The following MTMR7 variants were observed in gnomAD, a reference collection of about 807,000 sequenced individuals.
The protein encoded by MTMR7 is phosphatidylinositol-3-phosphate phosphatase MTMR7.
A neutral mutation model predicts 81.2 loss-of-function variants in MTMR7; 76 were observed. The ratio of observed to expected loss-of-function variants is 0.94; its 90% CI spans 0.78 to 1.13. The LOEUF is 1.13. MTMR7 is among the 50% of genes most tolerant of loss of function. The probability of loss-of-function intolerance (pLI) is 0.00; values close to 1 mark genes in which losing one functional copy is unlikely to be tolerated. For missense variants in MTMR7, 1,044 were observed against 820.0 expected (o/e 1.27, Z -3.34); for synonymous variants, 372 against 289.8 (o/e 1.28, Z -2.88).
At chr8:17,399,203 G>C (rs779041111) in intron 1 of MTMR7, among the ~76,000 whole-genome samples, 11 of 152,098 alleles carry the variant, frequency 7.2e-5, no homozygotes, top group Non-Finnish European at 1.2e-4. Context: ...ATCCTTGTTT[G>C]CAGATGATAT....
intron 1 of MTMR7, among the ~76,000 whole-genome samples, chr8:17,403,360 C>G (rs1391147526): frequency 6.6e-6 from 1 of 152,144 alleles, no homozygotes; most frequent in Non-Finnish European, 1.5e-5. Context: ...ATGTCATTGG[C>G]ACTATTTTCG....
chr8:17,307,104 C>A (rs1218603215), intron 10 of MTMR7, among the ~76,000 whole-genome samples: 1 of 152,030 alleles, frequency 6.6e-6, no homozygotes, highest in South Asian at 2.1e-4. Flanking sequence ...GAACAGGCAA[C>A]CTACAAAATG....
At chr8:17,377,230 T>C (rs1820617446) in intron 1 of MTMR7, among the ~76,000 whole-genome samples, 3 of 152,158 alleles carry the variant, frequency 2.0e-5, no homozygotes, top group Non-Finnish European at 4.4e-5. Flanking sequence ...CAGAAATCTT[T>C]AGTAATGGTT....
chr8:17,329,404 T>C (rs951317788), intron 7 of MTMR7, among the ~76,000 whole-genome samples: 5 of 152,228 alleles, frequency 3.3e-5, no homozygotes, highest in Admixed American at 2.6e-4. Context: ...AAGCACCATG[T>C]TCCCTTATGA....
chr8:17,318,691 G>GTC (rs1818227147), intron 7 of MTMR7, among the ~76,000 whole-genome samples: 1 of 152,184 alleles, frequency 6.6e-6, no homozygotes, highest in Non-Finnish European at 1.5e-5. Flanking sequence ...TACAGGTATT[G>GTC]TGCATGTTTG....
At chr8:17,309,459 C>A in intron 9 of MTMR7, 133 bp from the exon 10 acceptor site, 1 of 682,974 alleles carries the variant, frequency 1.5e-6, no homozygotes, top group Admixed American at 2.7e-5. Flanking sequence ...AATGCATGAA[C>A]AGGCATTATC....
intron 6 of MTMR7, among the ~76,000 whole-genome samples, chr8:17,335,129 C>T (rs1425476412): frequency 1.3e-5 from 2 of 152,128 alleles, no homozygotes; most frequent in Non-Finnish European, 2.9e-5. Flanking sequence ...GTGTCCACAA[C>T]AGAGAAGATG....
chr8:17,349,048 G>A lies in MTMR7; in HGVS notation c.502C>T (p.Pro168Ser), dbSNP rs1352570551. ...ATGATGTGTGCCGTGGCCGATTTGG[G>A]AACGTACAGTTCAGTAGGATAAGAG... is the stretch of plus-strand genomic sequence containing the variant. ...CDSYPTELYV[P>S]KSATAHIIVG... Residue 168 changes from proline (P) to serine (S), a missense_variant, in exon 5 of 14, where the codon CCC becomes TCC. Pro to Ser is a moderately conservative substitution (Grantham distance 74). Coordinates refer to ENST00000180173, the MANE Select transcript of MTMR7 (RefSeq NM_004686.5). 1 of 1,612,490 alleles carries A rather than the reference G, an allele frequency of 6.2e-7. No homozygotes were observed. Among genetic ancestry groups the A allele is most frequent in the South Asian group, 1.1e-5 (1 of 90,908 alleles).
At chr8:17,378,497 C>T (rs1366102627) in intron 1 of MTMR7, among the ~76,000 whole-genome samples, 1 of 152,150 alleles carries the variant, frequency 6.6e-6, no homozygotes, top group Non-Finnish European at 1.5e-5. Context: ...CTCATCTATA[C>T]ATATATGCTG....
In MTMR7 at chr8:17,353,051, A is replaced by T. The variant is rs1021435055; in HGVS notation, c.469-3970T>A. ...AGAGGTGGAAGCAACCCAGATGTCC[A>T]TCAAGTGATGAATGGATAAGCAAAA... On this transcript the variant is annotated intron_variant, in intron 4 of 13. Coordinates refer to ENST00000180173, the MANE Select transcript of MTMR7 (RefSeq NM_004686.5). 3.3e-5 allele frequency among the ~76,000 whole-genome samples: 5 copies of T among 152,344 alleles called. No homozygotes were observed. The East Asian group carries it at 9.6e-4, about 29-fold the overall frequency.
Position 17,341,451 on chromosome 8 carries a change from C to T in MTMR7, c.644G>A (p.Arg215Gln), listed in dbSNP as rs1325657111. The change falls in exon 6 of 14, where the codon CGG becomes CAG. Residue 215 changes from arginine to glutamine, a missense_variant. Coordinates refer to ENST00000180173, the MANE Select transcript of MTMR7 (RefSeq NM_004686.5). ...GAGCATCTGCTCGTCCTCTAGGCAC[C>T]GGGCACTGAAGCCGGACAGGGGCTG... The part of the protein sequence containing the change: ...SSQPLSGFSA[R>Q]CLEDEQMLQA... The T allele has an allele frequency of 1.9e-6, 3 of 1,614,050 alleles. No individual in the cohort carries two copies. Among genetic ancestry groups the T allele is most frequent in the South Asian group, 2.2e-5 (2 of 91,076 alleles).
At chr8:17,317,799 CT>C (rs556175005) in intron 7 of MTMR7, among the ~76,000 whole-genome samples, 3 of 152,156 alleles carry the variant, frequency 2.0e-5, no homozygotes, top group African/African-American at 2.4e-5. Context: ...TAAATTGCAG[CT>C]TTTTTTTCTA....
At chr8:17,311,921 C>A in intron 8 of MTMR7, 1 of 296,710 alleles carries the variant, frequency 3.4e-6, no homozygotes, top group South Asian at 6.9e-5. Context: ...TGCAAACGGA[C>A]CTTCAACCCT....
intron 3 of MTMR7, among the ~76,000 whole-genome samples, chr8:17,370,382 G>A (rs1192520249): frequency 1.3e-5 from 2 of 151,556 alleles, no homozygotes; most frequent in Non-Finnish European, 2.9e-5. Context: ...TTAGCAGGGT[G>A]TGGTGGTGGG....
At chr8:17,303,992 A>T (rs7837869) in intron 12 of MTMR7, among the ~76,000 whole-genome samples, 62,418 of 152,076 alleles carry the variant, frequency 0.41, 15,054 homozygotes, top group African/African-American at 0.66. Flanking sequence ...TTTTTGTTGT[A>T]TAACGGCAAA....
At chr8:17,373,303 T>A in intron 1 of MTMR7, 63 bp from the exon 2 acceptor site, 1 of 1,550,238 alleles carries the variant, frequency 6.5e-7, no homozygotes, top group Non-Finnish European at 8.7e-7. Flanking sequence ...ACGAAATAAA[T>A]GATAACAGGG....
chr8:17,311,273 T>C (rs1459493042), intron 9 of MTMR7, among the ~76,000 whole-genome samples: 1 of 152,222 alleles, frequency 6.6e-6, no homozygotes, highest in Non-Finnish European at 1.5e-5. Flanking sequence ...CCAAAACTCA[T>C]TCAGTAGCAT....
chr8:17,375,480 G>GTTTTGTT (rs1820556982), intron 1 of MTMR7, among the ~76,000 whole-genome samples: 1 of 136,642 alleles, frequency 7.3e-6, no homozygotes, highest in South Asian at 2.8e-4. Context: ...ACTAGCTTAT[G>GTTTTGTT]TTTTTTTTTT....
intron 4 of MTMR7, among the ~76,000 whole-genome samples, chr8:17,351,156 G>C (rs537745423): frequency 1.3e-5 from 2 of 152,182 alleles, no homozygotes; most frequent in Non-Finnish European, 2.9e-5. Context: ...TTTTTAAAAG[G>C]AAATGAGTAG....
Sources: allele counts gnomAD v4.1 joint callset (sites outside exome capture counted in the v4.1 genomes callset), GRCh38; gene constraint gnomAD v4.1.1; transcripts MANE v1.5; gene names NCBI Gene and HGNC (gene_info 2026-07-23, HGNC 2026-07-21).